Variants in STS observed in about 807,000 individuals in gnomAD.
The protein encoded by STS is steroid sulfatase, also known as steryl-sulfatase.
A neutral mutation model predicts 26.8 loss-of-function variants in STS; 7 were observed. That is an observed-to-expected ratio of 0.26 (90% CI 0.15 to 0.49). The LOEUF is 0.49. STS is among the 20% of genes least tolerant of loss of function. STS has a pLI of 0.98. For missense variants in STS, 434 were observed against 465.6 expected, an observed-to-expected ratio of 0.93 and a Z score of 0.63; for synonymous variants, 199 against 189.4, an observed-to-expected ratio of 1.05 and a Z score of -0.42.
chrX:7,243,102 G>A (rs1399787955), intron 2 of STS, among the ~76,000 whole-genome samples: 1 of 111,928 alleles, frequency 8.9e-6, no homozygotes, highest in Non-Finnish European at 1.9e-5. Flanking sequence ...TTACTCTGTC[G>A]CCCAGAGTGG....
intron 3 of STS, 128 bp downstream of exon 3, chrX:7,253,464 C>T: frequency 1.1e-6 from 1 of 932,663 alleles, no homozygotes; most frequent in African/African-American, 1.9e-5. Context: ...CCATGCCTGG[C>T]TTCATGTAGA....
chrX:7,282,659 C>T (rs1471650071), intron 7 of STS, among the ~76,000 whole-genome samples: 2 of 112,552 alleles, frequency 1.8e-5, no homozygotes, highest in Admixed American at 1.9e-4. Flanking sequence ...AGAGCCATCT[C>T]GCATATATGA....
intron 6 of STS, among the ~76,000 whole-genome samples, chrX:7,268,193 C>G (rs143859909): frequency 0.083 from 9,288 of 111,667 alleles, 321 homozygotes; most frequent in Middle Eastern, 0.16. Context: ...ATGGTCTGTA[C>G]TTTTATGATA....
intron 1 of STS, among the ~76,000 whole-genome samples, chrX:7,158,345 C>T (rs1933175024): frequency 1.8e-5 from 2 of 111,434 alleles, no homozygotes; most frequent in Admixed American, 1.9e-4. Context: ...ACTTTTGCCC[C>T]ACAAAATCTG....
At chrX:7,271,790 A>G (rs1170526186) in intron 6 of STS, among the ~76,000 whole-genome samples, 2 of 108,722 alleles carry the variant, frequency 1.8e-5, no homozygotes, top group Non-Finnish European at 3.8e-5. Flanking sequence ...TCTTGTAAAA[A>G]AAAAAAAAGG....
chrX:7,311,946 G>A (rs1442444397), intron 8 of STS, among the ~76,000 whole-genome samples: 4 of 111,751 alleles, frequency 3.6e-5, no homozygotes, highest in African/African-American at 6.5e-5. Flanking sequence ...AGGATCGCTT[G>A]AGCCCAGGAA....
At chrX:7,186,848 T>C (rs758134185) in intron 1 of STS, among the ~76,000 whole-genome samples, 1 of 111,621 alleles carries the variant, frequency 9.0e-6, no homozygotes, top group Admixed American at 9.5e-5. Context: ...GCTCAGGAGA[T>C]TTTTTGTGGG....
In STS at chrX:7,172,570, G is replaced by C. The variant is rs148051359; in HGVS notation, c.-133-18310G>C. Among the ~76,000 whole-genome samples the C allele has an allele frequency of 2.7e-5, 3 of 111,419 alleles. No individual in the cohort carries two copies. In the East Asian group the frequency reaches 8.5e-4, roughly 32 times the overall value. ...TGGAGATGTGCATAATTATTTCGAA[G>C]ACACAGCTAATAGAAAAGAGTAAGG... On this transcript the variant is annotated intron_variant, in intron 1 of 10. Transcript: ENST00000674429.
intron 1 of STS, among the ~76,000 whole-genome samples, chrX:7,165,913 G>T (rs1202983552): frequency 9.0e-6 from 1 of 111,429 alleles, no homozygotes; most frequent in Non-Finnish European, 1.9e-5. Context: ...GTCTAGGCTA[G>T]TGCCGTAGTC....
At chrX:7,231,795 C>T (rs971669309) in intron 2 of STS, among the ~76,000 whole-genome samples, 27 of 108,792 alleles carry the variant, frequency 2.5e-4, no homozygotes, top group African/African-American at 7.7e-4. Flanking sequence ...GCCTGTTGCA[C>T]GCTTGCAACG....
intron 1 of STS, among the ~76,000 whole-genome samples, chrX:7,187,110 T>C (rs1933787068): frequency 8.9e-6 from 1 of 112,168 alleles, no homozygotes; most frequent in Admixed American, 9.4e-5. Flanking sequence ...CCATCAAAAC[T>C]ATCAGCAGCA....
At chrX:7,347,733 A>C (rs1245588231) in intron 10 of STS, among the ~76,000 whole-genome samples, 1 of 111,925 alleles carries the variant, frequency 8.9e-6, no homozygotes, top group Non-Finnish European at 1.9e-5. Context: ...CATTGGGAGC[A>C]TGAGCAAGAG....
At chrX:7,325,027 C>G (rs1927339888) in intron 8 of STS, among the ~76,000 whole-genome samples, 1 of 111,583 alleles carries the variant, frequency 9.0e-6, no homozygotes, top group Non-Finnish European at 1.9e-5. Context: ...AACTTGAATT[C>G]CCTGACTCCA....
At chrX:7,193,334 G>A (rs747296853) in intron 2 of STS, among the ~76,000 whole-genome samples, 1 of 112,029 alleles carries the variant, frequency 8.9e-6, no homozygotes, top group East Asian at 2.8e-4. Flanking sequence ...ATGAATTTCT[G>A]ACCTCGCTTT....
chrX:7,209,326 C>T (rs934489514), intron 2 of STS, among the ~76,000 whole-genome samples: 1 of 108,115 alleles, frequency 9.2e-6, no homozygotes, highest in African/African-American at 3.3e-5. Context: ...ATTAATACCA[C>T]AGATTTTAAA....
At chrX:7,332,071 A>G (rs190973180) in intron 9 of STS, among the ~76,000 whole-genome samples, 216 of 110,930 alleles carry the variant, frequency 1.9e-3, no homozygotes, top group African/African-American at 6.7e-3. Context: ...TCCTATAATC[A>G]TGATCAATTT....
chrX:7,181,486 G>A (rs1369067683), intron 1 of STS, among the ~76,000 whole-genome samples: 3 of 112,062 alleles, frequency 2.7e-5, no homozygotes, highest in Non-Finnish European at 5.6e-5. Context: ...ACTGTAAGGT[G>A]TCAGGAGAAA....
At chrX:7,249,857 T>G (rs1438784188) in intron 2 of STS, among the ~76,000 whole-genome samples, 2 of 111,549 alleles carry the variant, frequency 1.8e-5, no homozygotes, top group African/African-American at 6.5e-5. Context: ...ATGAATGTTG[T>G]TATATGATCT....
chrX:7,169,570 A>G (rs1173952314), intron 1 of STS, among the ~76,000 whole-genome samples: 6 of 111,936 alleles, frequency 5.4e-5, no homozygotes, highest in African/African-American at 1.9e-4. Flanking sequence ...TCTGGGTCAT[A>G]TGGTAATTCA....
Sources: gnomAD v4.1 joint callset for allele counts (sites outside exome capture counted in the v4.1 genomes callset) on GRCh38, gnomAD v4.1.1 for gene constraint, MANE v1.5 for transcripts, NCBI Gene and HGNC (gene_info 2026-07-23, HGNC 2026-07-21) for gene names.